MARK3: variants seen among roughly 807,000 people sequenced by gnomAD.
MARK3 encodes the protein MAP/microtubule affinity-regulating kinase 3.
A neutral mutation model predicts 90.1 loss-of-function variants in MARK3; 46 were observed. The ratio of observed to expected loss-of-function variants is 0.51; its 90% CI spans 0.40 to 0.65. The LOEUF (loss-of-function observed/expected upper bound fraction) is 0.65, where lower values mean the gene tolerates loss of function less well. Ranked by LOEUF, MARK3 falls within the 30% of genes least tolerant of loss-of-function variation. The pLI is 0.00. For synonymous variants in MARK3, 321 were observed against 332.6 expected (o/e 0.97, Z 0.38); for missense variants, 818 against 947.2 (o/e 0.86, Z 1.79).
chr14:103,479,675 C>G (rs1435164355), intron 13 of MARK3, among the ~76,000 whole-genome samples: 1 of 104,398 alleles, frequency 9.6e-6, no homozygotes, highest in African/African-American at 3.7e-5. Context: ...TCTTGTTACA[C>G]AGGCTGGAGT....
chr14:103,476,032 C>T (rs985750724), intron 13 of MARK3, among the ~76,000 whole-genome samples: 1 of 152,006 alleles, frequency 6.6e-6, no homozygotes, highest in Non-Finnish European at 1.5e-5. Flanking sequence ...ATACTGTTTT[C>T]TCCTATGGGA....
chr14:103,475,197 C>A lies in MARK3; in HGVS notation c.1469C>A (p.Ser490Tyr). 6.2e-7 allele frequency: 1 copy of A among 1,613,108 alleles called. No homozygotes were observed. Reference sequence around the variant, plus strand: ...GATATTCCTGAACGCAAGAAAAGCTCCACTGTCCCTAGTGTAAGTGTTGTT... The same window carrying A: ...GATATTCCTGAACGCAAGAAAAGCTACACTGTCCCTAGTGTAAGTGTTGTT... The part of the protein sequence containing the change: ...KADIPERKKS[S>Y]TVPSSNTASG... Residue 490 changes from serine to tyrosine, a missense_variant, in exon 13 of 18, where the codon TCC becomes TAC. Coordinates refer to ENST00000429436, the MANE Select transcript of MARK3 (RefSeq NM_001128918.3).
chr14:103,481,684 T>A (rs2093821319), intron 14 of MARK3, among the ~76,000 whole-genome samples: 2 of 151,242 alleles, frequency 1.3e-5, no homozygotes, highest in Admixed American at 1.3e-4. Flanking sequence ...TTTCTTATGA[T>A]TAAAAACTAC....
intron 3 of MARK3, among the ~76,000 whole-genome samples, chr14:103,435,983 C>T (rs1471891515): frequency 2.0e-5 from 3 of 151,768 alleles, no homozygotes; most frequent in African/African-American, 4.8e-5. Flanking sequence ...CCCTGCCTCC[C>T]GAGTTCAAGT....
chr14:103,480,447 A>G lies in MARK3; in HGVS notation c.1543A>G (p.Thr515Ala), dbSNP rs760263780. 1.2e-6 allele frequency: 2 copies of G among 1,613,486 alleles called. No homozygotes were observed. The highest frequency in any genetic ancestry group is 1.7e-4 in the Middle Eastern group (1 of 6,060). Residue 515 changes from threonine (T) to alanine (A), a missense_variant, in exon 14 of 18, where the codon ACA becomes GCA. By Grantham distance (58) the Thr-to-Ala change is moderately conservative. Coordinates refer to ENST00000429436, the MANE Select transcript of MARK3 (RefSeq NM_001128918.3). Reference sequence around the variant, plus strand: ...TACTTATGTTTGCAGTGAGAGAACTACAGCTGATAGACACTCAGTGATTCA... The same window carrying G: ...TACTTATGTTTGCAGTGAGAGAACTGCAGCTGATAGACACTCAGTGATTCA... ...RNTYVCSERTTADRHSVIQNG... is the reference protein window; with the variant it reads ...RNTYVCSERTAADRHSVIQNG...
At chr14:103,390,821 G>A (rs981289453) in intron 1 of MARK3, among the ~76,000 whole-genome samples, 8 of 152,120 alleles carry the variant, frequency 5.3e-5, no homozygotes, top group Admixed American at 3.3e-4. Flanking sequence ...CAATCCTTCC[G>A]ACTCAGCCTC....
chr14:103,462,622 A>G (rs1445430281), intron 7 of MARK3, among the ~76,000 whole-genome samples, 161 bp downstream of exon 7: 1 of 152,186 alleles, frequency 6.6e-6, no homozygotes, highest in Non-Finnish European at 1.5e-5. Context: ...AGCATTAAAA[A>G]TAAAGAAAAA....
chr14:103,391,668 C>T (rs1474750927), intron 1 of MARK3, among the ~76,000 whole-genome samples: 3 of 149,790 alleles, frequency 2.0e-5, no homozygotes, highest in Admixed American at 6.7e-5. Flanking sequence ...CGCAGCCTCC[C>T]GAGTAGCTGG....
chr14:103,467,307 A>ATT, intron 11 of MARK3, 116 bp downstream of exon 11: 1 of 542,168 alleles, frequency 1.8e-6, no homozygotes, highest in South Asian at 2.6e-5. Context: ...CATTTTTTAG[A>ATT]TTTACTTGCA....
At chr14:103,430,712 G>T (rs1196087508) in intron 3 of MARK3, among the ~76,000 whole-genome samples, 1 of 152,050 alleles carries the variant, frequency 6.6e-6, no homozygotes, top group Non-Finnish European at 1.5e-5. Flanking sequence ...TTGCATACTG[G>T]GTCATGAACA....
chr14:103,394,126 C>T (rs1004992153), intron 1 of MARK3, among the ~76,000 whole-genome samples: 4 of 152,218 alleles, frequency 2.6e-5, no homozygotes, highest in Middle Eastern at 3.4e-3. Flanking sequence ...GGGAATATTC[C>T]GTGACTTGTG....
Position 103,434,006 on chromosome 14 carries a change from C to T in MARK3, c.297+5566C>T, listed in dbSNP as rs1595658925. Among the ~76,000 whole-genome samples the T allele has an allele frequency of 3.9e-5, 6 of 152,118 alleles. No individual in the cohort carries two copies. The South Asian group carries it at 1.2e-3, about 32-fold the overall frequency. On this transcript the variant is annotated intron_variant, in intron 3 of 17. Transcript: ENST00000429436. The stretch of plus-strand genomic sequence containing the variant: ...TTTTGAGTTTCCCGTTTCAGCATGC[C>T]GTTGACAGGGTGTTCTCATTATCGT...
rs958463291 is a variant in MARK3, at chr14:103,458,634, A to G, written c.483+1422A>G. On this transcript the variant is annotated intron_variant, in intron 6 of 17. Coordinates refer to ENST00000429436, the MANE Select transcript of MARK3 (RefSeq NM_001128918.3). ...AGGAGCAGTGCTTCACTGCTTTTAA[A>G]TTAATTCTGTATTCTCACAAGGCCT... 6.8e-5 allele frequency: 38 copies of G among 561,410 alleles called. 3 individuals are homozygous for G. The highest frequency in any genetic ancestry group is 6.4e-4 in the South Asian group (26 of 40,828). The allele number at this position is 561,410 out of a possible 1,614,324, so 34.8% of individuals were successfully genotyped here. A position where few individuals can be genotyped will look rare whatever the true frequency, so the allele number is the denominator to read the frequency against.
intron 5 of MARK3, among the ~76,000 whole-genome samples, chr14:103,452,492 G>C (rs2093173328): frequency 5.7e-5 from 2 of 35,286 alleles, no homozygotes; most frequent in African/African-American, 9.1e-5. Flanking sequence ...TTTTTTTTGA[G>C]ACGGAGTCTC....
In MARK3 at chr14:103,405,191, A is replaced by G; in HGVS notation, c.167A>G (p.Tyr56Cys). ...GATGAACAACCTCACATCGGAAACT[A>G]CAGACTGTTGAAAACAATCGGCAAG... is the stretch of plus-strand genomic sequence containing the variant. ...CADEQPHIGN[Y>C]RLLKTIGKGN... Residue 56 changes from tyrosine to cysteine, a missense_variant, in exon 2 of 18, where the codon TAC becomes TGC. Tyr to Cys is a radical substitution (Grantham distance 194, BLOSUM62 -2). Transcript: ENST00000429436. 1 of 1,597,448 alleles carries G rather than the reference A, an allele frequency of 6.3e-7. No individual in the cohort carries two copies. The highest frequency in any genetic ancestry group is 8.5e-7 in the Non-Finnish European group (1 of 1,175,122).
intron 14 of MARK3, among the ~76,000 whole-genome samples, chr14:103,482,562 T>C (rs952822851): frequency 6.6e-6 from 1 of 151,910 alleles, no homozygotes; most frequent in East Asian, 1.9e-4. Context: ...ACTTCTAAAT[T>C]CTGAAAATGC....
chr14:103,491,441 A>T (rs925886460), intron 14 of MARK3: 9 of 254,994 alleles, frequency 3.5e-5, no homozygotes, highest in Non-Finnish European at 6.1e-5. Context: ...TTTCTTTCGT[A>T]TTGGCACAGT....
At chr14:103,470,439 T>G (rs1003473352) in intron 12 of MARK3, among the ~76,000 whole-genome samples, 4 of 150,060 alleles carry the variant, frequency 2.7e-5, no homozygotes, top group African/African-American at 9.8e-5. Flanking sequence ...TATTCCAGGA[T>G]TCAGGAACTA....
chr14:103,445,633 C>T (rs1233622193), intron 3 of MARK3, among the ~76,000 whole-genome samples: 2 of 152,124 alleles, frequency 1.3e-5, no homozygotes, highest in African/African-American at 4.8e-5. Context: ...CAGGAGTTCT[C>T]GCATTTTAAT....
Sources: gnomAD v4.1 joint callset for allele counts (sites outside exome capture counted in the v4.1 genomes callset) on GRCh38, gnomAD v4.1.1 for gene constraint, MANE v1.5 for transcripts, NCBI Gene and HGNC (gene_info 2026-07-23, HGNC 2026-07-21) for gene names.